Variants in ARID4B observed in about 807,000 individuals in gnomAD.
The protein encoded by ARID4B is AT-rich interaction domain 4B, also known as AT-rich interactive domain-containing protein 4B.
A neutral mutation model predicts 147.5 loss-of-function variants in ARID4B; 26 were observed. The observed-to-expected ratio is 0.18, with a 90% CI of 0.13 to 0.24. The LOEUF (loss-of-function observed/expected upper bound fraction) is 0.24, where lower values mean the gene tolerates loss of function less well. ARID4B is among the 10% of genes least tolerant of loss of function. ARID4B has a pLI of 1.00. For missense variants in ARID4B, 1,179 were observed against 1,511.5 expected, an observed-to-expected ratio of 0.78 and a Z score of 3.65; for synonymous variants, 512 against 507.9, an observed-to-expected ratio of 1.01 and a Z score of -0.11.
intron 2 of ARID4B, among the ~76,000 whole-genome samples, chr1:235,269,359 T>C (rs760554040): frequency 6.6e-6 from 1 of 152,216 alleles, no homozygotes; most frequent in Non-Finnish European, 1.5e-5. Context: ...CACATCATCT[T>C]TGAATACTAC....
intron 8 of ARID4B, among the ~76,000 whole-genome samples, chr1:235,236,828 T>TAAAAAAAAAAAA (rs767176715): frequency 5.2e-4 from 24 of 46,312 alleles, no homozygotes; most frequent in South Asian, 2.5e-3. Flanking sequence ...AACGGTTTTA[T>TAAAAAAAAAAAA]AAAAAATATA....
Position 235,240,457 on chromosome 1 carries a change from G to A in ARID4B, c.447-6C>T, listed in dbSNP as rs1323627740. The A allele has an allele frequency of 6.2e-7, 1 of 1,610,862 alleles. No homozygotes were observed. Among genetic ancestry groups the A allele is most frequent in the Admixed American group, 1.7e-5 (1 of 59,838 alleles). ...ATGAAGACTCTTCCTCTGGTCTAGG[G>A]AGAGAAAAAAATAAAATATTTCCAT... is the stretch of plus-strand genomic sequence containing the variant. On this transcript the variant is annotated splice_polypyrimidine_tract_variant and splice_region_variant and intron_variant, in intron 7 of 23. Coordinates refer to ENST00000264183, the MANE Select transcript of ARID4B (RefSeq NM_016374.6).
rs761058312 is a variant in ARID4B, at chr1:235,255,684, T to C, written c.250A>G (p.Thr84Ala). The C allele has an allele frequency of 3.1e-6, 5 of 1,610,952 alleles. No homozygotes were observed. Among genetic ancestry groups the C allele is most frequent in the South Asian group, 1.1e-5 (1 of 90,582 alleles). The change falls in exon 5 of 24, where the codon ACA becomes GCA. Residue 84 changes from threonine to alanine, a missense_variant. Coordinates refer to ENST00000264183, the MANE Select transcript of ARID4B (RefSeq NM_016374.6). Reference sequence around the variant, plus strand: ...CCTACAGTGTACCAACTCGCATCTGTTAGTTTATTGATAACAGCTTCCTGA... The same window carrying C: ...CCTACAGTGTACCAACTCGCATCTGCTAGTTTATTGATAACAGCTTCCTGA... ...AYQEAVINKL[T>A]DASWYTVVFD...
At chr1:235,231,479 T>TTTTTG (rs369729827) in intron 9 of ARID4B, among the ~76,000 whole-genome samples, 11 of 152,196 alleles carry the variant, frequency 7.2e-5, no homozygotes, top group African/African-American at 1.7e-4. Flanking sequence ...CTGAAAACTT[T>TTTTTG]TTTTGTTTTG....
At chr1:235,263,850 T>C (rs1572105430) in intron 2 of ARID4B, among the ~76,000 whole-genome samples, 4 of 150,792 alleles carry the variant, frequency 2.7e-5, no homozygotes, top group African/African-American at 7.3e-5. Flanking sequence ...AAAAAATAGC[T>C]GGGCGTGGTG....
At chr1:235,242,531 A>G (rs1369706424) in intron 7 of ARID4B, among the ~76,000 whole-genome samples, 19 of 152,318 alleles carry the variant, frequency 1.2e-4, no homozygotes, top group South Asian at 2.1e-4. Flanking sequence ...GTAGCCACAG[A>G]AGACTCATTC....
chr1:235,327,074 C>A lies in ARID4B; in HGVS notation c.-49-106G>T, dbSNP rs552191939. ...GACGTCCGAACCCCGAAGAAAGAGC[C>A]GCAACCAGGCGCCAGCCCCCGAACC... On this transcript the variant is annotated intron_variant, in intron 1 of 23. Transcript: ENST00000264183. The A allele has an allele frequency of 4.5e-3, 3,381 of 747,632 alleles. 15 individuals are homozygous for A. The highest frequency in any genetic ancestry group is 0.025 in the Middle Eastern group (67 of 2,634). The allele number at this position is 747,632 out of a possible 1,614,324, so 46.3% of individuals were successfully genotyped here.
intron 2 of ARID4B, among the ~76,000 whole-genome samples, chr1:235,304,603 C>A (rs1403251653): frequency 6.6e-6 from 1 of 152,110 alleles, no homozygotes; most frequent in African/African-American, 2.4e-5. Context: ...TGTTTTTCCA[C>A]CATTGTGCTA....
chr1:235,264,371 A>T (rs1174251883), intron 2 of ARID4B, among the ~76,000 whole-genome samples: 1 of 152,228 alleles, frequency 6.6e-6, no homozygotes, highest in Non-Finnish European at 1.5e-5. Flanking sequence ...ACCCAAATCA[A>T]ATCCATAACT....
chr1:235,168,506 G>C lies in ARID4B; in HGVS notation c.*19C>G, dbSNP rs776151096. 1 of 1,613,238 alleles carries C rather than the reference G, an allele frequency of 6.2e-7. No individual in the cohort carries two copies. The highest frequency in any genetic ancestry group is 8.5e-7 in the Non-Finnish European group (1 of 1,179,542). On this transcript the variant is annotated 3_prime_UTR_variant, in exon 24 of 24. Transcript: ENST00000264183. Reference sequence around the variant, plus strand: ...CCTCAACAGCCATTAAGTGCAAAGTGCTTTAGCAAGTCCTGCTGTCACCTG... The same window carrying C: ...CCTCAACAGCCATTAAGTGCAAAGTCCTTTAGCAAGTCCTGCTGTCACCTG...
In ARID4B at chr1:235,181,833, G is replaced by A. The variant is rs766055448; in HGVS notation, c.3086C>T (p.Ser1029Leu). 16 of 1,614,022 alleles carry A rather than the reference G, an allele frequency of 9.9e-6. No individual in the cohort carries two copies. Among genetic ancestry groups the A allele is most frequent in the East Asian group, 2.2e-5 (1 of 44,902 alleles). Residue 1029 changes from serine to leucine, a missense_variant, in exon 20 of 24, where the codon TCG becomes TTG. Around this residue, in one of 10 missense-constraint regions of ARID4B, gnomAD observed 357 missense variants for 427.3 expected, o/e 0.84. Coordinates refer to ENST00000264183, the MANE Select transcript of ARID4B (RefSeq NM_016374.6). ...VLNTPPTTPESPSSVTVTEGS... is the reference protein window; with the variant it reads ...VLNTPPTTPELPSSVTVTEGS... The stretch of plus-strand genomic sequence containing the variant: ...TTCTGTTACAGTGACTGATGAAGGC[G>A]ATTCAGGTGTAGTAGGAGGGGTATT...
intron 17 of ARID4B, among the ~76,000 whole-genome samples, chr1:235,206,354 G>A (rs1045591560): frequency 6.6e-6 from 1 of 152,114 alleles, no homozygotes; most frequent in Non-Finnish European, 1.5e-5. Flanking sequence ...TTTACCCAGA[G>A]TCCTAGGTGA....
intron 11 of ARID4B, among the ~76,000 whole-genome samples, chr1:235,227,961 T>C (rs1465322605): frequency 2.0e-5 from 3 of 151,464 alleles, no homozygotes; most frequent in African/African-American, 2.4e-5. Flanking sequence ...GCCTCCCGAG[T>C]AGCTGGGATT....
chr1:235,284,288 A>G (rs761177322), intron 2 of ARID4B, among the ~76,000 whole-genome samples: 7 of 152,176 alleles, frequency 4.6e-5, no homozygotes, highest in Admixed American at 6.5e-5. Flanking sequence ...TGAACCTGGG[A>G]GGCAGATGCT....
intron 17 of ARID4B, among the ~76,000 whole-genome samples, chr1:235,212,253 GACAAAA>G (rs1434795238): frequency 1.3e-5 from 2 of 151,772 alleles, no homozygotes; most frequent in African/African-American, 2.4e-5. Context: ...TCCAAAAAAA[GACAAAA>G]ACAAAAACAA....
chr1:235,282,136 T>C (rs1237982353), intron 2 of ARID4B, among the ~76,000 whole-genome samples: 2 of 152,200 alleles, frequency 1.3e-5, no homozygotes, highest in Non-Finnish European at 2.9e-5. Flanking sequence ...CTAAAGCATA[T>C]AATCTAACAA....
intron 20 of ARID4B, chr1:235,180,242 T>C (rs1664229010): frequency 6.7e-6 from 1 of 148,842 alleles, no homozygotes; most frequent in Non-Finnish European, 1.5e-5. Flanking sequence ...GATCAAGTGA[T>C]TCTCCCTCAT....
intron 2 of ARID4B, among the ~76,000 whole-genome samples, chr1:235,313,996 ATT>A (rs1674260991): frequency 6.6e-6 from 1 of 152,226 alleles, no homozygotes; most frequent in Non-Finnish European, 1.5e-5. Flanking sequence ...GAATCTGCAC[ATT>A]CTTTCTACCG....
chr1:235,218,396 G>A (rs1166068577), intron 16 of ARID4B, among the ~76,000 whole-genome samples: 1 of 152,128 alleles, frequency 6.6e-6, no homozygotes, highest in African/African-American at 2.4e-5. Context: ...ATTTATCACA[G>A]TGCCTTGCAA....
Sources: gnomAD v4.1 joint callset for allele counts (sites outside exome capture counted in the v4.1 genomes callset) on GRCh38, gnomAD v4.1.1 for gene constraint, gnomAD v4.1.1 regional missense constraint, MANE v1.5 for transcripts, NCBI Gene and HGNC (gene_info 2026-07-23, HGNC 2026-07-21) for gene names.